Variants in PKHD1 observed in about 807,000 individuals in gnomAD.
The protein encoded by PKHD1 is PKHD1 ciliary IPT domain containing fibrocystin/polyductin, also known as fibrocystin.
Under a neutral mutation model 412.0 loss-of-function variants are expected in PKHD1, and 291 were observed. The ratio of observed to expected loss-of-function variants is 0.71; its 90% CI spans 0.64 to 0.78. The LOEUF is 0.78. Among genes scored for constraint, PKHD1 ranks in the 30% least tolerant of loss-of-function variants. The pLI, the probability that PKHD1 is intolerant of heterozygous loss-of-function variation, is 0.00. For missense variants in PKHD1, 4,825 were observed against 4,950.7 expected (o/e 0.97, Z 0.76); for synonymous variants, 1,777 against 1,821.5 (o/e 0.98, Z 0.62).
At position 52,043,103 on chromosome 6, in the gene PKHD1, G is replaced by T. The variant is rs139815340; in HGVS notation, c.2853C>A (p.Thr951=). 1 of 1,612,830 alleles carries T rather than the reference G, an allele frequency of 6.2e-7. No homozygotes were observed. Among genetic ancestry groups the T allele is most frequent in the Non-Finnish European group, 8.5e-7 (1 of 1,178,952 alleles). ...GGGAGTCACCAGAGAAACCAGTTCC[G>T]GTAATGTAAATCATTAGGTTGATGT... ...DGDINLMIYI[T]GTGFSGDSQF... Residue 951 remains threonine (T), a synonymous_variant, in exon 27 of 67, where the codon ACC becomes ACA. Coordinates refer to ENST00000371117, the MANE Select transcript of PKHD1 (RefSeq NM_138694.4).
intron 40 of PKHD1, 82 bp downstream of exon 40, chr6:51,909,201 C>T (rs993860410): frequency 1.9e-6 from 2 of 1,048,932 alleles, no homozygotes; most frequent in Non-Finnish European, 3.0e-6. Context: ...TCCCACATAT[C>T]ATCTATCATT....
chr6:51,702,890 A>ATTTTTTTT (rs11447702), intron 60 of PKHD1, among the ~76,000 whole-genome samples: 2 of 138,264 alleles, frequency 1.4e-5, no homozygotes, highest in Admixed American at 7.3e-5. Context: ...TCAGAAATCA[A>ATTTTTTTT]TTTTTTTTTT....
In PKHD1 at chr6:51,748,393, T is replaced by C. The variant is rs1189621741; in HGVS notation, c.9223A>G (p.Thr3075Ala). ...ACTTTGATTCCCGCCACCCAAATGG[T>C]GGACCACGCTGGCTGTGTCATCAGA... ...VVLMTQPAWS[T>A]IWVAGIKVNQ... Residue 3075 changes from threonine (T) to alanine (A), a missense_variant, in exon 58 of 67, where the codon ACC becomes GCC. Physicochemically the swap from Thr to Ala is moderately conservative, Grantham distance 58 (BLOSUM62 0). Coordinates refer to ENST00000371117, the MANE Select transcript of PKHD1 (RefSeq NM_138694.4). 5 of 1,614,030 alleles carry C rather than the reference T, an allele frequency of 3.1e-6. No individual in the cohort carries two copies. Among genetic ancestry groups the C allele is most frequent in the Non-Finnish European group, 4.2e-6 (5 of 1,179,954 alleles).
At chr6:51,887,521 A>G (rs2127558365) in intron 43 of PKHD1, among the ~76,000 whole-genome samples, 2 of 152,272 alleles carry the variant, frequency 1.3e-5, no homozygotes, top group Admixed American at 1.3e-4. Context: ...TCACGGGGTC[A>G]GTTTCTCGTG....
intron 36 of PKHD1, among the ~76,000 whole-genome samples, chr6:51,941,954 A>T (rs1229314268): frequency 6.6e-6 from 1 of 151,500 alleles, no homozygotes; most frequent in East Asian, 1.9e-4. Context: ...CGTAATTCTC[A>T]TAAAACGTGT....
chr6:52,085,547 C>G (rs2128247717), intron 1 of PKHD1, among the ~76,000 whole-genome samples: 1 of 152,330 alleles, frequency 6.6e-6, no homozygotes, highest in East Asian at 1.9e-4. Context: ...CTTCGTGGTG[C>G]TGCTCAGGAG....
intron 35 of PKHD1, among the ~76,000 whole-genome samples, chr6:52,008,118 G>T (rs181956732): frequency 7.9e-5 from 12 of 152,144 alleles, no homozygotes; most frequent in Admixed American, 7.2e-4. Context: ...CCTCAGGACT[G>T]GAGTTCCCTA....
intron 35 of PKHD1, among the ~76,000 whole-genome samples, chr6:51,979,397 G>A (rs1354700027): frequency 6.6e-6 from 1 of 152,092 alleles, no homozygotes; most frequent in Non-Finnish European, 1.5e-5. Flanking sequence ...ATGAATAAAT[G>A]TTAAATGGAC....
At chr6:51,900,910 TA>T (rs896162637) in intron 43 of PKHD1, among the ~76,000 whole-genome samples, 2 of 151,952 alleles carry the variant, frequency 1.3e-5, no homozygotes, top group African/African-American at 4.8e-5. Flanking sequence ...AAAAAACACA[TA>T]AAAAAATGCT....
intron 52 of PKHD1, among the ~76,000 whole-genome samples, chr6:51,804,779 T>C (rs1277357700): frequency 3.3e-5 from 5 of 152,052 alleles, no homozygotes; most frequent in Non-Finnish European, 7.4e-5. Flanking sequence ...AAGAGCTCCA[T>C]ACATCCAAAA....
rs547277827 is a variant in PKHD1 at position 51,816,248 on chromosome 6, A to G, written c.8302+14613T>C. Among the ~76,000 whole-genome samples, 4 of 152,252 alleles carry G rather than the reference A, an allele frequency of 2.6e-5. No homozygotes were observed. In the East Asian group the frequency reaches 7.7e-4, roughly 29 times the overall value. ...AATAAGGAAAAATAAAGGTTTTGAC[A>G]TTTTCTATTTGTTCTTCAGTAAGTC... On this transcript the variant is annotated intron_variant, in intron 52 of 66. Transcript: ENST00000371117.
At chr6:51,911,063 C>T (rs1345406711) in intron 39 of PKHD1, among the ~76,000 whole-genome samples, 1 of 152,214 alleles carries the variant, frequency 6.6e-6, no homozygotes, top group Middle Eastern at 3.4e-3. Context: ...GCCACTCTCC[C>T]ACCCCAAAAC....
chr6:51,932,753 C>T (rs931561920), intron 37 of PKHD1, among the ~76,000 whole-genome samples: 2 of 152,106 alleles, frequency 1.3e-5, no homozygotes, highest in Non-Finnish European at 2.9e-5. Flanking sequence ...TATTTTTAAC[C>T]TCACAAAATT....
intron 60 of PKHD1, among the ~76,000 whole-genome samples, chr6:51,670,826 T>A (rs1485370584): frequency 6.6e-6 from 1 of 150,914 alleles, no homozygotes; most frequent in East Asian, 1.9e-4. Context: ...TGGCTGGATA[T>A]GAAATTCTGG....
Position 51,791,270 on chromosome 6 carries a change from T to C in PKHD1, c.8406A>G (p.Ala2802=), listed in dbSNP as rs2151261646. 3 of 1,613,966 alleles carry C rather than the reference T, an allele frequency of 1.9e-6. No individual in the cohort carries two copies. The highest frequency in any genetic ancestry group is 2.5e-6 in the Non-Finnish European group (3 of 1,179,868). Residue 2802 remains alanine (A), a synonymous_variant, in exon 53 of 67, where the codon GCA becomes GCG. Transcript: ENST00000371117. ...PVDRSNVLSV[A]CMVIAGGELK... is the part of the protein sequence containing the mutation. ...GCTCCCCGCCTGCAATGACCATGCA[T>C]GCCACACTCAGAACATTGCTTCTGT... is the stretch of plus-strand genomic sequence containing the variant.
chr6:52,060,251 A>G (rs1455607130), intron 14 of PKHD1, among the ~76,000 whole-genome samples: 1 of 152,214 alleles, frequency 6.6e-6, no homozygotes, highest in Non-Finnish European at 1.5e-5. Flanking sequence ...CTGGACACAA[A>G]TACCCTTGCT....
At chr6:51,737,156 A>G (rs1783962269) in intron 60 of PKHD1, among the ~76,000 whole-genome samples, 1 of 152,222 alleles carries the variant, frequency 6.6e-6, no homozygotes, top group Non-Finnish European at 1.5e-5. Context: ...CTACTGTCTC[A>G]TGGTAAAGAA....
chr6:51,815,763 T>A (rs1326596), intron 52 of PKHD1, among the ~76,000 whole-genome samples: 77,542 of 151,900 alleles, frequency 0.51, 20,211 homozygotes, highest in Middle Eastern at 0.64. Flanking sequence ...GCCTGCTGAT[T>A]TTGAAAATTG....
intron 63 of PKHD1, 57 bp downstream of exon 63, chr6:51,647,974 T>G (rs1770336987): frequency 2.0e-6 from 2 of 1,022,400 alleles, no homozygotes; most frequent in Non-Finnish European, 3.1e-6. Flanking sequence ...GCTGCAAACA[T>G]TTTCTGTGCA....
Sources: allele counts gnomAD v4.1 joint callset (sites outside exome capture counted in the v4.1 genomes callset), GRCh38; gene constraint gnomAD v4.1.1; transcripts MANE v1.5; gene names NCBI Gene and HGNC (gene_info 2026-07-23, HGNC 2026-07-21).